TPM1: variants seen among roughly 807,000 people sequenced by gnomAD.
The protein encoded by TPM1 is tropomyosin 1, also known as tropomyosin alpha-1 chain.
A neutral mutation model predicts 42.9 loss-of-function variants in TPM1; 24 were observed. That is an observed-to-expected ratio of 0.56 (90% CI 0.41 to 0.79). The LOEUF is 0.79. TPM1 is among the 30% of genes least tolerant of loss of function. The pLI, the probability that TPM1 is intolerant of heterozygous loss-of-function variation, is 0.00. For missense variants in TPM1, 158 were observed against 351.8 expected, an observed-to-expected ratio of 0.45 and a Z score of 4.41; for synonymous variants, 136 against 130.1, an observed-to-expected ratio of 1.05 and a Z score of -0.31.
At chr15:63,052,197 A>C (rs1011024450) in intron 2 of TPM1, among the ~76,000 whole-genome samples, 4 of 152,234 alleles carry the variant, frequency 2.6e-5, no homozygotes, top group African/African-American at 7.2e-5. Context: ...GAAAGACTTC[A>C]CTGGCAGTCA....
intron 4 of TPM1, among the ~76,000 whole-genome samples, chr15:63,060,600 G>A (rs191507141): frequency 6.6e-6 from 1 of 152,108 alleles, no homozygotes; most frequent in African/African-American, 2.4e-5. Context: ...CCACATTTTG[G>A]TCTGGCTGCC....
intron 3 of TPM1, among the ~76,000 whole-genome samples, chr15:63,057,901 T>A (rs866656017): frequency 6.6e-6 from 1 of 152,204 alleles, no homozygotes; most frequent in Non-Finnish European, 1.5e-5. Context: ...GCTTGAGGGA[T>A]GGCATAGCAT....
At chr15:63,052,447 C>A (rs576529465) in intron 2 of TPM1, among the ~76,000 whole-genome samples, 1 of 152,070 alleles carries the variant, frequency 6.6e-6, no homozygotes, top group Admixed American at 6.5e-5. Flanking sequence ...CGCTTGAACC[C>A]GGGAGGTGGA....
downstream of TPM1, chr15:63,070,875 C>T: frequency 7.4e-7 from 1 of 1,348,642 alleles, no homozygotes; most frequent in Admixed American, 3.1e-5. Flanking sequence ...CACCTGACTG[C>T]TCTGTGAGAA....
chr15:63,063,185 A>G (rs1272060956), intron 8 of TPM1: 3 of 985,336 alleles, frequency 3.0e-6, no homozygotes, highest in Non-Finnish European at 3.6e-6. Flanking sequence ...TTTTAGTAAT[A>G]ACCACTCTAT....
intron 8 of TPM1, chr15:63,063,029 A>C (rs2035859614): frequency 1.5e-6 from 2 of 1,329,824 alleles, no homozygotes; most frequent in South Asian, 4.9e-5. Flanking sequence ...TTTTTAGAAG[A>C]ACCCATCTTC....
chr15:63,066,071 T>C lies in TPM1; in HGVS notation c.*172T>C. 1 of 1,534,780 alleles carries C rather than the reference T, an allele frequency of 6.5e-7. No individual in the cohort carries two copies. Among genetic ancestry groups the C allele is most frequent in the African/African-American group, 1.4e-5 (1 of 72,842 alleles). On this transcript the variant is annotated 3_prime_UTR_variant, in exon 10 of 10. Transcript: ENST00000403994. ...TGTACAGAAGCTCTTCGTTTCAGTG[T>C]CAAATAAACACTGTGTAAGCTATTT...
intron 1 of TPM1, chr15:63,043,744 G>T: frequency 6.5e-7 from 1 of 1,549,438 alleles, no homozygotes; most frequent in Non-Finnish European, 8.7e-7. Flanking sequence ...AGTTGCTGCG[G>T]GTGTCGGAGG....
At chr15:63,057,241 A>G (rs933647929) in intron 3 of TPM1, 123 bp downstream of exon 3, 19 of 1,354,502 alleles carry the variant, frequency 1.4e-5, no homozygotes, top group Non-Finnish European at 1.7e-5. Flanking sequence ...CATTTCCTCT[A>G]TTGATCCCAG....
At chr15:63,071,167 A>G (rs1478780012), downstream of TPM1, 2 of 1,613,776 alleles carry the variant, frequency 1.2e-6, no homozygotes, top group Non-Finnish European at 1.7e-6. Context: ...GTTAAACAAC[A>G]TGTGAAAACC....
At chr15:63,043,926 G>A in intron 1 of TPM1, 101 bp from the exon 2 acceptor site, 2 of 1,556,850 alleles carry the variant, frequency 1.3e-6, no homozygotes, top group African/African-American at 1.4e-5. Flanking sequence ...CTCTCCCGCT[G>A]TCCCTGTCCT....
chr15:63,043,551 G>A, intron 1 of TPM1: 1 of 1,248,982 alleles, frequency 8.0e-7, no homozygotes, highest in Non-Finnish European at 1.1e-6. Flanking sequence ...AGCGGTTCCA[G>A]CTCGGGTAAA....
downstream of TPM1, chr15:63,070,928 G>T (rs192526701): frequency 3.5e-6 from 5 of 1,432,826 alleles, no homozygotes; most frequent in Non-Finnish European, 3.7e-6. Context: ...CCTCCCCTCC[G>T]TCTTAGGTTC....
At chr15:63,060,295 A>G (rs1596375216) in intron 4 of TPM1, among the ~76,000 whole-genome samples, 2 of 152,078 alleles carry the variant, frequency 1.3e-5, no homozygotes, top group Admixed American at 6.5e-5. Flanking sequence ...TATTACCATT[A>G]TTACCTTCAG....
At chr15:63,069,867 CA>C, downstream of TPM1, 2 of 1,614,048 alleles carry the variant, frequency 1.2e-6, no homozygotes, top group Non-Finnish European at 1.7e-6. Context: ...CTGACCTGTA[CA>C]GATCAACTCT....
At chr15:63,068,781 T>C (rs2036427097), downstream of TPM1, among the ~76,000 whole-genome samples, 1 of 152,192 alleles carries the variant, frequency 6.6e-6, no homozygotes, top group African/African-American at 2.4e-5. Context: ...CTGGTCTTCA[T>C]GTAGGTGTTG....
At chr15:63,062,116 C>A (rs1366508666) in intron 6 of TPM1, 99 bp from the exon 7 acceptor site, 2 of 1,058,488 alleles carry the variant, frequency 1.9e-6, no homozygotes, top group East Asian at 2.4e-5. Flanking sequence ...CCTAAGAGAT[C>A]CTTAACATCT....
In TPM1 at chr15:63,042,877, G is replaced by A. The variant is rs755581369; in HGVS notation, c.48G>A (p.Glu16=). ...TGCAGATGCTGAAGCTCGACAAGGA[G>A]AACGCCTTGGATCGAGCTGAGCAGG... is the stretch of plus-strand genomic sequence containing the variant. The part of the protein sequence containing the change: ...KKMQMLKLDK[E]NALDRAEQAE... The change falls in exon 1 of 10, where the codon GAG becomes GAA. Residue 16 remains glutamate (E), a synonymous_variant. Transcript: ENST00000403994. The A allele has an allele frequency of 1.2e-6, 2 of 1,613,422 alleles. No individual in the cohort carries two copies. The highest frequency in any genetic ancestry group is 2.2e-5 in the East Asian group (1 of 44,844).
At chr15:63,046,125 C>T (rs1160255551) in intron 2 of TPM1, 1 of 152,150 alleles carries the variant, frequency 6.6e-6, no homozygotes, top group African/African-American at 2.4e-5. Flanking sequence ...TACTAAACAC[C>T]TAGGCTACAA....
Sources: allele counts gnomAD v4.1 joint callset (sites outside exome capture counted in the v4.1 genomes callset), GRCh38; gene constraint gnomAD v4.1.1; transcripts MANE v1.5; gene names NCBI Gene and HGNC (gene_info 2026-07-23, HGNC 2026-07-21).